The following TEX11 variants were observed in gnomAD, a reference collection of about 807,000 sequenced individuals.
The protein encoded by TEX11 is testis-expressed protein 11.
TEX11 carries 7 observed loss-of-function variants against 84.4 expected under a neutral mutation model. That is an observed-to-expected ratio of 0.08 (90% confidence interval 0.05 to 0.16). The LOEUF (loss-of-function observed/expected upper bound fraction) is 0.16, where lower values mean the gene tolerates loss of function less well. TEX11 is among the 10% of genes least tolerant of loss of function. The pLI, the probability that TEX11 is intolerant of heterozygous loss-of-function variation, is 1.00. For synonymous variants in TEX11, 264 were observed against 222.8 expected, an observed-to-expected ratio of 1.18 and a Z score of -1.64; for missense variants, 551 against 660.5, an observed-to-expected ratio of 0.83 and a Z score of 1.82.
At chrX:70,641,769 G>C (rs1205605795) in intron 17 of TEX11, among the ~76,000 whole-genome samples, 1 of 110,016 alleles carries the variant, frequency 9.1e-6, no homozygotes, top group East Asian at 2.8e-4. Flanking sequence ...ATTCAAAGCA[G>C]TGTGTAGAGG....
At position 70,602,136 on chromosome X, in the gene TEX11, C is replaced by G. The variant is rs901497927; in HGVS notation, c.2067+3265G>C. 2.7e-5 allele frequency among the ~76,000 whole-genome samples: 3 copies of G among 112,216 alleles called. No homozygotes were observed. The East Asian group carries it at 8.5e-4, about 32-fold the overall frequency. On this transcript the variant is annotated intron_variant, in intron 24 of 29. Coordinates refer to ENST00000374333, the MANE Select transcript of TEX11 (RefSeq NM_031276.3). ...GGCCGGGCAGAAGCGCCCCTCACCT[C>G]CTGGATAGGGCGGCTGGCCGGGCGG... is the stretch of plus-strand genomic sequence containing the variant.
chrX:70,711,238 G>A (rs758064409), intron 13 of TEX11, among the ~76,000 whole-genome samples: 37 of 111,337 alleles, frequency 3.3e-4, no homozygotes, highest in Middle Eastern at 4.6e-3. Context: ...GAATAGTGCC[G>A]CAATAAACAT....
At chrX:70,653,620 G>A (rs1007697639) in intron 16 of TEX11, among the ~76,000 whole-genome samples, 4 of 111,953 alleles carry the variant, frequency 3.6e-5, no homozygotes, top group African/African-American at 1.3e-4. Flanking sequence ...AGCCAACTTG[G>A]AAGACAGTTT....
rs865882407 is a variant in TEX11, at chrX:70,792,337, T to A, written c.692+14368A>T. ...AAAAATATATATATATATATATATA[T>A]ATATATATATATATATATATACACA... is the stretch of plus-strand genomic sequence containing the variant. On this transcript the variant is annotated intron_variant, in intron 9 of 29. Transcript: ENST00000374333. Among the ~76,000 whole-genome samples, 3 of 12,155 alleles carry A rather than the reference T, an allele frequency of 2.5e-4. 1 individual carries two copies. The highest frequency in any genetic ancestry group is 7.6e-4 in the African/African-American group (2 of 2,642). The allele number at this position is 12,155 out of a possible 115,157, so 10.6% of individuals were successfully genotyped here.
chrX:70,739,643 C>A (rs762154331), intron 11 of TEX11, among the ~76,000 whole-genome samples: 121 of 111,234 alleles, frequency 1.1e-3, no homozygotes, highest in African/African-American at 3.9e-3. Flanking sequence ...ATCTCTTGAC[C>A]TTGTGATCTG....
At chrX:70,762,178 A>G (rs919091764) in intron 9 of TEX11, among the ~76,000 whole-genome samples, 1 of 112,206 alleles carries the variant, frequency 8.9e-6, no homozygotes, top group Non-Finnish European at 1.9e-5. Flanking sequence ...TCAATCAGAA[A>G]GAAAAGGATG....
intron 8 of TEX11, among the ~76,000 whole-genome samples, chrX:70,816,206 G>A (rs2091285353): frequency 2.7e-5 from 3 of 111,478 alleles, no homozygotes; most frequent in African/African-American, 6.5e-5. Context: ...GAGTTACTTC[G>A]CTTAGAATAA....
intron 2 of TEX11, among the ~76,000 whole-genome samples, chrX:70,885,848 G>A (rs1183523884): frequency 1.0e-5 from 1 of 95,503 alleles, no homozygotes; most frequent in African/African-American, 4.1e-5. Context: ...CCAAGATCGA[G>A]CCACTACACT....
At chrX:70,519,952 G>A in the TEX11 span, among the ~76,000 whole-genome samples, 1 of 111,765 alleles carries the variant, frequency 8.9e-6, no homozygotes, top group Non-Finnish European at 1.9e-5. Context: ...TCATGCCATG[G>A]TTTTAAGCTC....
intron 17 of TEX11, among the ~76,000 whole-genome samples, chrX:70,643,849 A>T (rs2089700156): frequency 9.1e-6 from 1 of 110,494 alleles, no homozygotes; most frequent in Admixed American, 9.7e-5. Flanking sequence ...ACCATTCAGG[A>T]CGTAGGCATG....
intron 7 of TEX11, among the ~76,000 whole-genome samples, chrX:70,837,788 G>A (rs1005417275): frequency 9.0e-6 from 1 of 111,601 alleles, no homozygotes; most frequent in Non-Finnish European, 1.9e-5. Context: ...CCTATAAAGG[G>A]GTTATGTAAA....
At chrX:70,723,899 T>A (rs2090579986) in intron 12 of TEX11, among the ~76,000 whole-genome samples, 1 of 111,944 alleles carries the variant, frequency 8.9e-6, no homozygotes, top group African/African-American at 3.2e-5. Context: ...GTTTCATATA[T>A]TCTTTCAATG....
chrX:70,761,137 T>C (rs894363399), intron 9 of TEX11, among the ~76,000 whole-genome samples: 1 of 111,362 alleles, frequency 9.0e-6, no homozygotes, highest in South Asian at 3.8e-4. Flanking sequence ...TATGGAGAAA[T>C]AGGAACGCTT....
At chrX:70,866,514 G>GA (rs2091600115) in intron 4 of TEX11, among the ~76,000 whole-genome samples, 1 of 109,973 alleles carries the variant, frequency 9.1e-6, no homozygotes, top group African/African-American at 3.3e-5. Flanking sequence ...CCAATCAATA[G>GA]AAAAAAAGGG....
intron 25 of TEX11, among the ~76,000 whole-genome samples, chrX:70,565,454 T>A (rs2088452133): frequency 9.1e-6 from 1 of 109,853 alleles, no homozygotes; most frequent in Admixed American, 9.8e-5. Context: ...TTGCTTTTGG[T>A]GTTTTAGACA....
At chrX:70,776,254 T>C (rs1212324453) in intron 9 of TEX11, among the ~76,000 whole-genome samples, 1 of 110,766 alleles carries the variant, frequency 9.0e-6, no homozygotes, top group African/African-American at 3.3e-5. Context: ...ATGTGGTACA[T>C]ATACACAACA....
intron 25 of TEX11, among the ~76,000 whole-genome samples, chrX:70,586,845 CTT>C (rs940547539): frequency 8.9e-6 from 1 of 111,771 alleles, no homozygotes; most frequent in Non-Finnish European, 1.9e-5. Context: ...GGTTGGAACA[CTT>C]TGGAGGGTTT....
chrX:70,821,265 C>A (rs183648377), intron 8 of TEX11, among the ~76,000 whole-genome samples: 14 of 111,866 alleles, frequency 1.3e-4, no homozygotes, highest in African/African-American at 4.2e-4. Flanking sequence ...AAATGGCCAA[C>A]AGGTGTATGA....
intron 9 of TEX11, among the ~76,000 whole-genome samples, chrX:70,784,327 C>A (rs1472856240): frequency 1.8e-5 from 2 of 111,236 alleles, no homozygotes; most frequent in East Asian, 5.6e-4. Flanking sequence ...TGGAACGTAT[C>A]TCAAAAAAAT....
Sources: gnomAD v4.1 joint callset for allele counts (sites outside exome capture counted in the v4.1 genomes callset) on GRCh38, gnomAD v4.1.1 for gene constraint, MANE v1.5 for transcripts, NCBI Gene and HGNC (gene_info 2026-07-23, HGNC 2026-07-21) for gene names.